The following MYZAP variants were observed in gnomAD, a reference collection of about 807,000 sequenced individuals.
The protein encoded by MYZAP is GRINL1A complex locus upstream.
A neutral mutation model predicts 69.4 loss-of-function variants in MYZAP; 66 were observed. That is an observed-to-expected ratio of 0.95 (90% CI 0.78 to 1.17). MYZAP has a LOEUF of 1.17. Ranked by LOEUF, MYZAP falls within the 50% of genes most tolerant of loss-of-function variation. The pLI, the probability that MYZAP is intolerant of heterozygous loss-of-function variation, is 0.00. For missense variants in MYZAP, 611 were observed against 556.2 expected, an observed-to-expected ratio of 1.10 and a Z score of -0.99; for synonymous variants, 256 against 205.9, an observed-to-expected ratio of 1.24 and a Z score of -2.09.
At position 57,618,036 on chromosome 15, in the gene MYZAP, C is replaced by G; in HGVS notation, c.166C>G (p.Leu56Val). 2 of 1,611,192 alleles carry G rather than the reference C, an allele frequency of 1.2e-6. No individual in the cohort carries two copies. The highest frequency in any genetic ancestry group is 2.2e-5 in the South Asian group (2 of 90,022). ...EKKIERKEQL[L>V]DLSNGEPTRK... ...TTCTTTTCCTACTTTCTTTTAGCTT[C>G]TTGACCTGAGCAATGGAGAACCTAC... The change falls in exon 3 of 13, where the codon CTT becomes GTT. Residue 56 changes from leucine (L) to valine (V), a missense_variant. Transcript: ENST00000267853.
intron 1 of MYZAP, among the ~76,000 whole-genome samples, chr15:57,600,063 C>T (rs938812438): frequency 3.9e-5 from 6 of 152,144 alleles, no homozygotes; most frequent in African/African-American, 7.2e-5. Flanking sequence ...GAATATCTTC[C>T]GCCTACATCT....
chr15:57,620,241 C>T (rs996034163), intron 3 of MYZAP, among the ~76,000 whole-genome samples: 4 of 152,164 alleles, frequency 2.6e-5, no homozygotes, highest in Non-Finnish European at 2.9e-5. Context: ...ACTCTCCCTT[C>T]CCCCAAATCT....
At chr15:57,629,633 A>G in intron 5 of MYZAP, 69 bp from the exon 6 acceptor site, 1 of 1,555,420 alleles carries the variant, frequency 6.4e-7, no homozygotes, top group Non-Finnish European at 8.6e-7. Flanking sequence ...GGGATGCCCC[A>G]GCATGTGGTG....
At chr15:57,653,042 C>T (rs1406862602) in intron 10 of MYZAP, among the ~76,000 whole-genome samples, 1 of 151,930 alleles carries the variant, frequency 6.6e-6, no homozygotes, top group Admixed American at 6.6e-5. Flanking sequence ...TCGTTAAAGC[C>T]ATTTTAAGCA....
chr15:57,636,582 G>A (rs1300515006), intron 8 of MYZAP, among the ~76,000 whole-genome samples: 2 of 152,210 alleles, frequency 1.3e-5, no homozygotes, highest in East Asian at 1.9e-4. Context: ...AGGACCTAAA[G>A]TAAAATAATC....
At chr15:57,620,976 T>C (rs1595875997) in intron 3 of MYZAP, among the ~76,000 whole-genome samples, 1 of 148,640 alleles carries the variant, frequency 6.7e-6, no homozygotes, top group South Asian at 2.1e-4. Context: ...TAATTATATA[T>C]AATTTTATGT....
intron 10 of MYZAP, among the ~76,000 whole-genome samples, chr15:57,651,583 C>A (rs917060765): frequency 1.3e-5 from 2 of 152,176 alleles, no homozygotes; most frequent in Non-Finnish European, 2.9e-5. Flanking sequence ...GTGAATAGGA[C>A]AGCCTGGGCC....
chr15:57,665,785 T>C (rs1428216496), intron 11 of MYZAP, among the ~76,000 whole-genome samples: 2 of 152,194 alleles, frequency 1.3e-5, no homozygotes, highest in Non-Finnish European at 2.9e-5. Context: ...CCACAGAAAT[T>C]GACATATGTC....
At chr15:57,608,387 G>A (rs1334660193) in intron 2 of MYZAP, among the ~76,000 whole-genome samples, 1 of 152,222 alleles carries the variant, frequency 6.6e-6, no homozygotes, top group Non-Finnish European at 1.5e-5. Context: ...TTTCCACAAA[G>A]GTGTGTTTGG....
chr15:57,638,486 C>A (rs1172779004), intron 9 of MYZAP, among the ~76,000 whole-genome samples: 2 of 152,110 alleles, frequency 1.3e-5, no homozygotes, highest in African/African-American at 2.4e-5. Flanking sequence ...AAAAAATACC[C>A]ATTTTTCCTT....
intron 7 of MYZAP, among the ~76,000 whole-genome samples, chr15:57,632,814 A>C (rs572848056): frequency 1.1e-4 from 16 of 152,168 alleles, no homozygotes; most frequent in African/African-American, 3.9e-4. Flanking sequence ...CTCATCTGAC[A>C]ATTTGCCAGC....
intron 1 of MYZAP, 148 bp downstream of exon 1, chr15:57,592,257 C>G: frequency 1.4e-6 from 1 of 696,234 alleles, no homozygotes; most frequent in Non-Finnish European, 2.0e-6. Context: ...TGTGCCGGCT[C>G]TGGCAGTGAC....
At position 57,629,778 on chromosome 15, in the gene MYZAP, C is replaced by G. The variant is rs368405673; in HGVS notation, c.602C>G (p.Ala201Gly). 2 of 1,613,974 alleles carry G rather than the reference C, an allele frequency of 1.2e-6. No individual in the cohort carries two copies. Among genetic ancestry groups the G allele is most frequent in the Middle Eastern group, 1.6e-4 (1 of 6,062 alleles). ...QIRNLQQTYE[A>G]SMDKLREKQR... is the part of the protein sequence containing the mutation. ...AGAAATCTGCAGCAGACGTATGAAG[C>G]ATCCATGGACAAGCTGAGGGAAAAG... Residue 201 changes from alanine (A) to glycine (G), a missense_variant, in exon 6 of 13, where the codon GCA becomes GGA. Coordinates refer to ENST00000267853, the MANE Select transcript of MYZAP (RefSeq NM_001018100.5).
At chr15:57,595,606 A>C (rs1329819576) in intron 1 of MYZAP, among the ~76,000 whole-genome samples, 1 of 151,886 alleles carries the variant, frequency 6.6e-6, no homozygotes, top group Non-Finnish European at 1.5e-5. Flanking sequence ...ACCTTTCGGC[A>C]CAATACTTAC....
Position 57,599,638 on chromosome 15 carries a change from A to G in MYZAP, c.76-4631A>G, listed in dbSNP as rs1166205400. On this transcript the variant is annotated intron_variant, in intron 1 of 12. Coordinates refer to ENST00000267853, the MANE Select transcript of MYZAP (RefSeq NM_001018100.5). ...TTTCAGGCACTGCCAAGCCTGGGGC[A>G]TCTCTGGAGATTGTGTATCCGAGTT... is the stretch of plus-strand genomic sequence containing the variant. 13 of 1,289,080 alleles carry G rather than the reference A, an allele frequency of 1.0e-5. No homozygotes were observed. The African/African-American group carries it at 1.7e-4, about 17-fold the overall frequency. The allele number at this position is 1,289,080 out of a possible 1,614,324, so 79.9% of individuals were successfully genotyped here.
intron 1 of MYZAP, among the ~76,000 whole-genome samples, chr15:57,598,344 G>C (rs1431669569): frequency 6.7e-6 from 1 of 149,194 alleles, no homozygotes; most frequent in Non-Finnish European, 1.5e-5. Context: ...ATCCTTCCCA[G>C]GGGGGTTGGT....
chr15:57,649,009 ATAT>A (rs758312240), intron 10 of MYZAP, among the ~76,000 whole-genome samples: 1 of 151,864 alleles, frequency 6.6e-6, no homozygotes, highest in Non-Finnish European at 1.5e-5. Flanking sequence ...TTAATTTATA[ATAT>A]TAAAAATAAA....
rs1300029095 is a variant in MYZAP, at chr15:57,637,683, T to C, written c.934-12T>C. The C allele has an allele frequency of 6.2e-7, 1 of 1,611,020 alleles. No homozygotes were observed. The highest frequency in any genetic ancestry group is 8.5e-7 in the Non-Finnish European group (1 of 1,178,468). ...ATCCATTGATTAAAATATCAGTTTC[T>C]GTTTGTTTTAGGAACGTCATCAACT... On this transcript the variant is annotated splice_polypyrimidine_tract_variant and intron_variant, in intron 8 of 12. Coordinates refer to ENST00000267853, the MANE Select transcript of MYZAP (RefSeq NM_001018100.5).
intron 2 of MYZAP, among the ~76,000 whole-genome samples, chr15:57,614,076 G>A (rs1432392808): frequency 1.3e-5 from 2 of 152,172 alleles, no homozygotes; most frequent in Admixed American, 1.3e-4. Context: ...GCTCCTAGCA[G>A]CTTTTCTGGG....
Sources: gnomAD v4.1 joint callset for allele counts (sites outside exome capture counted in the v4.1 genomes callset) on GRCh38, gnomAD v4.1.1 for gene constraint, MANE v1.5 for transcripts, NCBI Gene and HGNC (gene_info 2026-07-23, HGNC 2026-07-21) for gene names.